The following SLCO1A2 variants were observed in gnomAD, a reference collection of about 807,000 sequenced individuals.
The protein encoded by SLCO1A2 is OATP-1.
SLCO1A2 carries 67 observed loss-of-function variants against 69.0 expected under a neutral mutation model. The ratio of observed to expected loss-of-function variants is 0.97; its 90% CI spans 0.80 to 1.19. The LOEUF (loss-of-function observed/expected upper bound fraction) is 1.19. Ranked by LOEUF, SLCO1A2 falls within the 50% of genes most tolerant of loss-of-function variation. The pLI is 0.00. For synonymous variants in SLCO1A2, 260 were observed against 265.9 expected (o/e 0.98, Z 0.22); for missense variants, 787 against 793.7 (o/e 0.99, Z 0.10).
At chr12:21,345,453 C>T (rs1953222084) in intron 2 of SLCO1A2, among the ~76,000 whole-genome samples, 1 of 151,896 alleles carries the variant, frequency 6.6e-6, no homozygotes, top group Non-Finnish European at 1.5e-5. Flanking sequence ...TTTTGTTTTT[C>T]CTTTGGGCAA....
chr12:21,382,431 A>G lies in SLCO1A2; in HGVS notation c.-189-7906T>C, dbSNP rs570124804. ...CTAAAATGTTAAAATTCACCACTAT[A>G]TAATTCATCGGTGTAACCAAAAACC... On this transcript the variant is annotated intron_variant, in intron 1 of 15. Coordinates refer to the SLCO1A2 transcript ENST00000307378. 5.6e-4 allele frequency among the ~76,000 whole-genome samples: 85 copies of G among 152,308 alleles called. 4 individuals are homozygous for G. The South Asian group carries it at 0.017, about 30-fold the overall frequency.
chr12:21,301,060 A>C, intron 7 of SLCO1A2, 111 bp downstream of exon 7: 1 of 560,356 alleles, frequency 1.8e-6, no homozygotes, highest in Non-Finnish European at 2.9e-6. Context: ...CTTTTAAAGT[A>C]GAGATCATTT....
At chr12:21,380,818 G>A (rs1417402875) in intron 1 of SLCO1A2, among the ~76,000 whole-genome samples, 1 of 152,080 alleles carries the variant, frequency 6.6e-6, no homozygotes, top group Non-Finnish European at 1.5e-5. Flanking sequence ...GCTAGAATGG[G>A]TAGCTAGGCA....
intron 12 of SLCO1A2, among the ~76,000 whole-genome samples, chr12:21,277,720 G>A (rs1331237599): frequency 1.3e-5 from 2 of 152,238 alleles, no homozygotes; most frequent in Admixed American, 6.5e-5. Context: ...CCCATAAGGA[G>A]TGAGCAGCCT....
At chr12:21,354,434 A>G (rs1397180639) in intron 2 of SLCO1A2, among the ~76,000 whole-genome samples, 2 of 152,192 alleles carry the variant, frequency 1.3e-5, no homozygotes, top group Non-Finnish European at 2.9e-5. Flanking sequence ...CCAGATAAAG[A>G]TAGTTGTCAG....
rs199912856 is a variant in SLCO1A2 at position 21,290,928 on chromosome 12, CTG to C, written c.1610+1234_1610+1235del. 7.6e-3 allele frequency among the ~76,000 whole-genome samples: 1,158 copies of C among 152,198 alleles called. 7 individuals are homozygous for C. Among genetic ancestry groups the C allele is most frequent in the African/African-American group, 0.017 (691 of 41,550 alleles). On this transcript the variant is annotated intron_variant, in intron 12 of 14. Coordinates refer to ENST00000683939, the MANE Select transcript of SLCO1A2 (RefSeq NM_001386879.1). ...CATATAAACAGTATTACATTAATATCTGTAATTTACATAGTAATCATCAAATT... is the reference window on the plus strand; with the variant it reads ...CATATAAACAGTATTACATTAATATCTAATTTACATAGTAATCATCAAATT...
chr12:21,365,542 C>A (rs1939306852), intron 2 of SLCO1A2, among the ~76,000 whole-genome samples: 1 of 152,122 alleles, frequency 6.6e-6, no homozygotes, highest in South Asian at 2.1e-4. Flanking sequence ...CCAAAATTGA[C>A]AAATGGGAAC....
chr12:21,384,729 T>C (rs147986997), intron 1 of SLCO1A2, among the ~76,000 whole-genome samples: 177 of 151,816 alleles, frequency 1.2e-3, no homozygotes, highest in Non-Finnish European at 2.0e-3. Context: ...AAAAGAAAAA[T>C]TAAATATATC....
intron 12 of SLCO1A2, among the ~76,000 whole-genome samples, chr12:21,282,459 T>C (rs962499900): frequency 2.2e-4 from 34 of 151,810 alleles, no homozygotes; most frequent in African/African-American, 8.0e-4. Flanking sequence ...AAAGGCCATA[T>C]ATGAGAGACC....
intron 1 of SLCO1A2, among the ~76,000 whole-genome samples, chr12:21,384,932 A>T (rs530989691): frequency 9.2e-5 from 14 of 151,910 alleles, no homozygotes; most frequent in Non-Finnish European, 7.4e-5. Flanking sequence ...TGCCGAGCTA[A>T]TTTTTTGTAT....
chr12:21,395,985 C>G (rs1223263122), upstream of SLCO1A2, among the ~76,000 whole-genome samples: 173 of 151,002 alleles, frequency 1.1e-3, no homozygotes, highest in Non-Finnish European at 2.1e-3. Context: ...TCCAAAGGAA[C>G]GCAGTTCCTC....
intron 12 of SLCO1A2, among the ~76,000 whole-genome samples, chr12:21,287,911 A>C (rs1197562075): frequency 7.8e-6 from 1 of 128,862 alleles, no homozygotes; most frequent in African/African-American, 3.0e-5. Context: ...ACCTAATGCT[A>C]GATGACGAGT....
At chr12:21,288,811 A>C (rs910409776) in intron 12 of SLCO1A2, among the ~76,000 whole-genome samples, 1 of 151,770 alleles carries the variant, frequency 6.6e-6, no homozygotes. Context: ...ACCCATAAAA[A>C]TTTAAAATTA....
chr12:21,391,853 C>T (rs1941172308), intron 1 of SLCO1A2, among the ~76,000 whole-genome samples: 2 of 152,140 alleles, frequency 1.3e-5, no homozygotes, highest in South Asian at 4.1e-4. Flanking sequence ...ATCTCCTTCC[C>T]TCCCACTACA....
At chr12:21,334,489 A>T in intron 2 of SLCO1A2, 99 bp downstream of exon 2, 1 of 819,748 alleles carries the variant, frequency 1.2e-6, no homozygotes, top group Admixed American at 2.4e-5. Flanking sequence ...TGGCATTAAT[A>T]TTAGATCACT....
chr12:21,351,313 G>A (rs1460215749), intron 2 of SLCO1A2, among the ~76,000 whole-genome samples: 1 of 152,182 alleles, frequency 6.6e-6, no homozygotes, highest in East Asian at 1.9e-4. Flanking sequence ...TTTTACTAGT[G>A]CAGTTTCTCC....
Position 21,280,692 on chromosome 12 carries a change from AAT to A in SLCO1A2, c.1611-5270_1611-5269del, listed in dbSNP as rs1294870317. On this transcript the variant is annotated intron_variant, in intron 12 of 14. Transcript: ENST00000683939. ...ATCTTCCAGACCAAAAAAAAAAATA[AAT>A]AAATAAACAAAGAAACATTGGATTT... 5.3e-5 allele frequency among the ~76,000 whole-genome samples: 8 copies of A among 151,716 alleles called. 1 individual carries two copies. The highest frequency in any genetic ancestry group is 7.4e-5 in the Non-Finnish European group (5 of 67,906).
chr12:21,296,329 T>C (rs1250488232), intron 9 of SLCO1A2, among the ~76,000 whole-genome samples: 1 of 152,110 alleles, frequency 6.6e-6, no homozygotes, highest in Non-Finnish European at 1.5e-5. Context: ...GAGCCTCAGC[T>C]TCCTGGGCTT....
chr12:21,289,369 C>G lies in SLCO1A2; in HGVS notation c.1610+2795G>C, dbSNP rs148614276. Among the ~76,000 whole-genome samples, 144 of 152,166 alleles carry G rather than the reference C, an allele frequency of 9.5e-4. 4 individuals carry two copies. In the East Asian group the frequency reaches 0.023, roughly 24 times the overall value. ...GAGATTGTTTTGATCACACCTGAGT[C>G]TATAGTAATGAGACGACAGGGTGGC... On this transcript the variant is annotated intron_variant, in intron 12 of 14. Transcript: ENST00000683939.
Sources: allele counts gnomAD v4.1 joint callset (sites outside exome capture counted in the v4.1 genomes callset), GRCh38; gene constraint gnomAD v4.1.1; transcripts MANE v1.5; gene names NCBI Gene and HGNC (gene_info 2026-07-23, HGNC 2026-07-21).